Variants in EPHA6 observed in about 807,000 individuals in gnomAD.
EPHA6 encodes ephrin type-A receptor 6.
Under a neutral mutation model 112.0 loss-of-function variants are expected in EPHA6, and 50 were observed. The observed-to-expected ratio is 0.45, with a 90% CI of 0.36 to 0.56. The LOEUF (loss-of-function observed/expected upper bound fraction) is 0.56, where lower values mean the gene tolerates loss of function less well. EPHA6 is among the 20% of genes least tolerant of loss of function. The probability of loss-of-function intolerance (pLI) is 0.00; values close to 1 mark genes in which losing one functional copy is unlikely to be tolerated. For synonymous variants in EPHA6, 529 were observed against 490.7 expected, an observed-to-expected ratio of 1.08 and a Z score of -1.03; for missense variants, 1,280 against 1,417.4, an observed-to-expected ratio of 0.90 and a Z score of 1.56.
At chr3:97,205,136 G>C (rs2077683267) in intron 3 of EPHA6, among the ~76,000 whole-genome samples, 2 of 151,992 alleles carry the variant, frequency 1.3e-5, no homozygotes, top group Non-Finnish European at 2.9e-5. Context: ...GTTTCTTCTG[G>C]ATTACCTTTA....
chr3:96,866,466 G>T (rs1272661108), intron 1 of EPHA6, among the ~76,000 whole-genome samples: 2 of 151,844 alleles, frequency 1.3e-5, no homozygotes, highest in Non-Finnish European at 2.9e-5. Context: ...TTTTCTTCCT[G>T]AATGTGGTCT....
At chr3:97,182,945 C>G (rs932167218) in intron 3 of EPHA6, among the ~76,000 whole-genome samples, 2 of 151,932 alleles carry the variant, frequency 1.3e-5, no homozygotes, top group African/African-American at 4.8e-5. Flanking sequence ...ATGTTTAAAC[C>G]TGGCCAATTT....
intron 6 of EPHA6, among the ~76,000 whole-genome samples, chr3:97,425,369 C>T (rs925838036): frequency 6.6e-6 from 1 of 152,222 alleles, no homozygotes; most frequent in Non-Finnish European, 1.5e-5. Flanking sequence ...GGCGGAGGCT[C>T]CCAAACCTCT....
At chr3:96,866,914 G>A (rs1012431627) in intron 2 of EPHA6, 25 bp downstream of exon 2, 1 of 1,370,128 alleles carries the variant, frequency 7.3e-7, no homozygotes, top group South Asian at 1.6e-5. Flanking sequence ...CTGAAAAATT[G>A]CTGTCTTTTT....
chr3:97,365,826 A>AT (rs1196343995), intron 5 of EPHA6, among the ~76,000 whole-genome samples: 1 of 152,054 alleles, frequency 6.6e-6, no homozygotes, highest in African/African-American at 2.4e-5. Flanking sequence ...TCCTTGGTTA[A>AT]TTTTTTTCAG....
At chr3:97,540,890 G>A (rs191473817) in intron 11 of EPHA6, among the ~76,000 whole-genome samples, 3 of 152,260 alleles carry the variant, frequency 2.0e-5, no homozygotes, top group Admixed American at 1.3e-4. Flanking sequence ...TAGATAAAGA[G>A]TGTGATAAAT....
chr3:97,208,464 G>A (rs543135763), intron 3 of EPHA6, among the ~76,000 whole-genome samples: 26 of 152,282 alleles, frequency 1.7e-4, no homozygotes, highest in African/African-American at 5.8e-4. Flanking sequence ...GAGGGCCGCA[G>A]GCTGGGTGCA....
intron 3 of EPHA6, among the ~76,000 whole-genome samples, chr3:97,136,863 T>C (rs1388514402): frequency 6.6e-6 from 1 of 152,154 alleles, no homozygotes; most frequent in African/African-American, 2.4e-5. Flanking sequence ...TTAACACCAA[T>C]ATTTCTTCAC....
chr3:96,954,602 A>C (rs906221281), intron 2 of EPHA6, among the ~76,000 whole-genome samples: 1 of 151,390 alleles, frequency 6.6e-6, no homozygotes, highest in Non-Finnish European at 1.5e-5. Context: ...ATAAAGAACA[A>C]CTCCCTCATT....
At chr3:97,088,344 A>T (rs1438478252) in intron 3 of EPHA6, among the ~76,000 whole-genome samples, 8 of 152,154 alleles carry the variant, frequency 5.3e-5, no homozygotes. Context: ...TTGATGGACA[A>T]TGAATTAATC....
At chr3:97,405,371 C>A in intron 6 of EPHA6, 97 bp downstream of exon 6, 1 of 1,127,094 alleles carries the variant, frequency 8.9e-7, no homozygotes, top group Non-Finnish European at 1.2e-6. Flanking sequence ...TATTTTAAAC[C>A]CTGTTCTTCT....
intron 3 of EPHA6, among the ~76,000 whole-genome samples, chr3:97,162,695 C>T (rs1346396886): frequency 6.6e-6 from 1 of 152,062 alleles, no homozygotes; most frequent in East Asian, 1.9e-4. Flanking sequence ...GTTTTGAGGT[C>T]CTTCCTCAAG....
At chr3:97,360,459 T>G (rs2084318339) in intron 5 of EPHA6, among the ~76,000 whole-genome samples, 1 of 152,240 alleles carries the variant, frequency 6.6e-6, no homozygotes, top group Admixed American at 6.5e-5. Flanking sequence ...ATTTGAATAT[T>G]AATTTTAAAA....
chr3:97,692,387 C>A (rs977983775), intron 14 of EPHA6, among the ~76,000 whole-genome samples: 5 of 152,104 alleles, frequency 3.3e-5, no homozygotes, highest in Non-Finnish European at 7.4e-5. Context: ...AGTCTTTGAT[C>A]AGAATTTTTA....
chr3:97,142,905 C>T (rs569367712), intron 3 of EPHA6, among the ~76,000 whole-genome samples: 5 of 151,912 alleles, frequency 3.3e-5, no homozygotes, highest in Admixed American at 3.3e-4. Context: ...GAAATAATTT[C>T]CTCTGAGAAC....
chr3:97,480,924 C>G (rs951884920), intron 9 of EPHA6, among the ~76,000 whole-genome samples: 6 of 151,596 alleles, frequency 4.0e-5, no homozygotes, highest in Non-Finnish European at 7.4e-5. Flanking sequence ...AATGGGCGGC[C>G]GGGCAAAGAC....
chr3:96,938,064 T>G (rs1419826871), intron 2 of EPHA6, among the ~76,000 whole-genome samples: 12 of 148,968 alleles, frequency 8.1e-5, no homozygotes, highest in South Asian at 2.1e-4. Flanking sequence ...TTTGTTCTTT[T>G]GGCTTAGGAT....
intron 2 of EPHA6, among the ~76,000 whole-genome samples, chr3:96,939,482 G>T (rs188105954): frequency 2.6e-4 from 40 of 152,010 alleles, no homozygotes; most frequent in Admixed American, 1.0e-3. Context: ...TGCATCTATT[G>T]ATTCTTCTCT....
chr3:96,946,472 G>T (rs1437520065), intron 2 of EPHA6, among the ~76,000 whole-genome samples: 1 of 152,058 alleles, frequency 6.6e-6, no homozygotes, highest in Non-Finnish European at 1.5e-5. Flanking sequence ...ATGGTTTCCA[G>T]CTTCATCCAT....
Sources: gnomAD v4.1 joint callset for allele counts (sites outside exome capture counted in the v4.1 genomes callset) on GRCh38, gnomAD v4.1.1 for gene constraint, MANE v1.5 for transcripts, NCBI Gene and HGNC (gene_info 2026-07-23, HGNC 2026-07-21) for gene names.